CSMD1: variants seen among roughly 807,000 people sequenced by gnomAD.
CSMD1 encodes CUB and Sushi multiple domains 1.
A neutral mutation model predicts 417.5 loss-of-function variants in CSMD1; 213 were observed. The observed-to-expected ratio is 0.51, with a 90% CI of 0.46 to 0.57. The LOEUF (loss-of-function observed/expected upper bound fraction) is 0.57, where lower values mean the gene tolerates loss of function less well. CSMD1 is among the 20% of genes least tolerant of loss of function. CSMD1 has a pLI of 0.00. For missense variants in CSMD1, 6,923 were observed against 4,529.7 expected, an observed-to-expected ratio of 1.53 and a Z score of -15.17; for synonymous variants, 2,862 against 1,736.8, an observed-to-expected ratio of 1.65 and a Z score of -16.11.
intron 3 of CSMD1, among the ~76,000 whole-genome samples, chr8:4,353,308 C>G (rs894132103): frequency 6.6e-6 from 1 of 152,070 alleles, no homozygotes; most frequent in Admixed American, 6.6e-5. Context: ...TTCACAAGCT[C>G]TCTTCCCTGC....
At chr8:3,630,783 A>G (rs1340592296) in intron 7 of CSMD1, among the ~76,000 whole-genome samples, 1 of 152,210 alleles carries the variant, frequency 6.6e-6, no homozygotes, top group Non-Finnish European at 1.5e-5. Context: ...GGCTAAAGCA[A>G]TAGAAGAACA....
intron 42 of CSMD1, among the ~76,000 whole-genome samples, chr8:3,112,061 C>T (rs757233742): frequency 6.6e-6 from 1 of 152,000 alleles, no homozygotes; most frequent in Non-Finnish European, 1.5e-5. Flanking sequence ...GGTCCAGGCT[C>T]TGCTCACAGA....
chr8:4,484,691 C>T (rs1021087162), intron 2 of CSMD1, among the ~76,000 whole-genome samples: 3 of 145,952 alleles, frequency 2.1e-5, no homozygotes, highest in African/African-American at 5.1e-5. Context: ...GAAAAGTCAC[C>T]GGGCACGATG....
chr8:4,819,865 C>T (rs1478802308), intron 1 of CSMD1, among the ~76,000 whole-genome samples: 1 of 151,822 alleles, frequency 6.6e-6, no homozygotes, highest in Non-Finnish European at 1.5e-5. Context: ...GAACCCTTCT[C>T]TAAGGGAAGA....
rs139631878 is a variant in CSMD1, at chr8:3,614,185, T to C, written c.1097+2525A>G. On this transcript the variant is annotated intron_variant, in intron 8 of 69. Transcript: ENST00000635120. ...CCCAGGTGTTATGGCATTTGATTTCTATTGCTACAAACATAGAGACATATA... is the reference window on the plus strand; with the variant it reads ...CCCAGGTGTTATGGCATTTGATTTCCATTGCTACAAACATAGAGACATATA... Among the ~76,000 whole-genome samples, 55 of 152,304 alleles carry C rather than the reference T, an allele frequency of 3.6e-4. 2 individuals are homozygous for C. In the East Asian group the frequency reaches 6.2e-3, roughly 17 times the overall value.
chr8:4,243,109 A>T (rs1002921228), intron 3 of CSMD1, among the ~76,000 whole-genome samples: 1 of 152,056 alleles, frequency 6.6e-6, no homozygotes, highest in Admixed American at 6.6e-5. Context: ...GAACATGTTC[A>T]CTGTGGAAAA....
intron 1 of CSMD1, among the ~76,000 whole-genome samples, chr8:4,727,903 A>G (rs1414971170): frequency 2.0e-5 from 3 of 147,128 alleles, no homozygotes; most frequent in Non-Finnish European, 4.5e-5. Context: ...TATACCACAT[A>G]TATATATATA....
At chr8:3,406,962 T>G (rs1435451700) in intron 14 of CSMD1, among the ~76,000 whole-genome samples, 2 of 152,196 alleles carry the variant, frequency 1.3e-5, no homozygotes, top group African/African-American at 4.8e-5. Flanking sequence ...TACACTACTT[T>G]GTTGCAAGAA....
intron 11 of CSMD1, among the ~76,000 whole-genome samples, chr8:3,472,210 T>C (rs950567683): frequency 1.3e-5 from 2 of 152,114 alleles, no homozygotes; most frequent in African/African-American, 4.8e-5. Flanking sequence ...AGGTATAACA[T>C]CAAGGTGCAA....
chr8:4,670,249 C>G (rs531076170), intron 1 of CSMD1, among the ~76,000 whole-genome samples: 1 of 152,190 alleles, frequency 6.6e-6, no homozygotes, highest in Non-Finnish European at 1.5e-5. Flanking sequence ...GTAGAAGAGG[C>G]ATGGCCTTTA....
At chr8:3,555,136 G>C (rs893372868) in intron 10 of CSMD1, among the ~76,000 whole-genome samples, 2 of 151,930 alleles carry the variant, frequency 1.3e-5, no homozygotes, top group Non-Finnish European at 2.9e-5. Context: ...ATTAAATTAT[G>C]AGCAAAACCT....
chr8:4,488,359 G>A (rs761452186), intron 2 of CSMD1, among the ~76,000 whole-genome samples: 27 of 151,980 alleles, frequency 1.8e-4, no homozygotes, highest in Admixed American at 2.6e-4. Context: ...CTGAACACTT[G>A]ACATATAGAA....
Position 3,398,787 on chromosome 8 carries a change from C to G in CSMD1, c.2405+604G>C, listed in dbSNP as rs530291142. Among the ~76,000 whole-genome samples, 60 of 152,298 alleles carry G rather than the reference C, an allele frequency of 3.9e-4. 1 individual carries two copies. The South Asian group carries it at 7.5e-3, about 19-fold the overall frequency. On this transcript the variant is annotated intron_variant, in intron 16 of 69. Transcript: ENST00000635120. Reference sequence around the variant, plus strand: ...ATGGGAAAACCCTTCTTATATAGAACTCCAATAGCCTGCTTATTTTTTAAT... The same window carrying G: ...ATGGGAAAACCCTTCTTATATAGAAGTCCAATAGCCTGCTTATTTTTTAAT...
At chr8:3,629,936 G>C (rs1264233779) in intron 7 of CSMD1, among the ~76,000 whole-genome samples, 2 of 152,154 alleles carry the variant, frequency 1.3e-5, no homozygotes, top group Non-Finnish European at 2.9e-5. Context: ...GTGTTTGTTT[G>C]TTGCCTACAG....
intron 1 of CSMD1, among the ~76,000 whole-genome samples, chr8:4,690,647 G>A (rs1012656169): frequency 6.6e-6 from 1 of 152,166 alleles, no homozygotes; most frequent in Non-Finnish European, 1.5e-5. Context: ...CAATCCTTTT[G>A]TGAAATAATC....
In CSMD1 at chr8:3,696,965, G is replaced by C. The variant is rs1173624948; in HGVS notation, c.1009+11449C>G. The stretch of plus-strand genomic sequence containing the variant: ...ATGGGCCACGTGGACTATAGAGTTT[G>C]GGACTGTAGATCGTAGGGGCCCCAG... On this transcript the variant is annotated intron_variant, in intron 7 of 69. Transcript: ENST00000635120. Among the ~76,000 whole-genome samples, 6 of 152,236 alleles carry C rather than the reference G, an allele frequency of 3.9e-5. No individual in the cohort carries two copies. The East Asian group carries it at 1.2e-3, about 29-fold the overall frequency.
At chr8:3,302,141 G>C (rs1337865369) in intron 25 of CSMD1, among the ~76,000 whole-genome samples, 3 of 152,108 alleles carry the variant, frequency 2.0e-5, no homozygotes, top group Non-Finnish European at 4.4e-5. Context: ...AGGGAATGAT[G>C]ACAATAATGA....
At chr8:4,226,204 A>T (rs1801345362) in intron 3 of CSMD1, among the ~76,000 whole-genome samples, 1 of 151,922 alleles carries the variant, frequency 6.6e-6, no homozygotes, top group South Asian at 2.1e-4. Flanking sequence ...TTTACTAACC[A>T]CTCTTTACCT....
chr8:2,975,837 C>A lies in CSMD1; in HGVS notation c.8567-1213G>T, dbSNP rs149887456. Among the ~76,000 whole-genome samples, 169 of 152,246 alleles carry A rather than the reference C, an allele frequency of 1.1e-3. 1 individual carries two copies. In the East Asian group the frequency reaches 0.024, roughly 21 times the overall value. ...AATTCCAACTGTTAATGACACCAAG[C>A]GGAGTGAACTGGCCACCCCGGAAAA... On this transcript the variant is annotated intron_variant, in intron 55 of 69. Coordinates refer to ENST00000635120, the MANE Select transcript of CSMD1 (RefSeq NM_033225.6).
Sources: allele counts gnomAD v4.1 joint callset (sites outside exome capture counted in the v4.1 genomes callset), GRCh38; gene constraint gnomAD v4.1.1; transcripts MANE v1.5; gene names NCBI Gene and HGNC (gene_info 2026-07-23, HGNC 2026-07-21).